HECW1: variants seen among roughly 807,000 people sequenced by gnomAD.
The protein encoded by HECW1 is HECT, C2 and WW domain containing E3 ubiquitin protein ligase 1, also known as E3 ubiquitin-protein ligase HECW1.
Under a neutral mutation model 182.3 loss-of-function variants are expected in HECW1, and 61 were observed. The ratio of observed to expected loss-of-function variants is 0.33; its 90% CI spans 0.27 to 0.41. The LOEUF (loss-of-function observed/expected upper bound fraction) is 0.41, where lower values mean the gene tolerates loss of function less well. Ranked by LOEUF, HECW1 falls within the 10% of genes least tolerant of loss-of-function variation. HECW1 has a pLI of 1.00. For missense variants in HECW1, 1,739 were observed against 2,108.9 expected, an observed-to-expected ratio of 0.82 and a Z score of 3.44; for synonymous variants, 859 against 832.6, an observed-to-expected ratio of 1.03 and a Z score of -0.55.
chr7:43,241,455 C>G (rs1285550881), intron 2 of HECW1: 2 of 152,222 alleles, frequency 1.3e-5, no homozygotes, highest in East Asian at 1.9e-4. Flanking sequence ...TTTCCAGAGT[C>G]AAGCTTTGCA....
At chr7:43,336,642 C>T (rs545012911) in intron 5 of HECW1, among the ~76,000 whole-genome samples, 5 of 152,078 alleles carry the variant, frequency 3.3e-5, no homozygotes, top group African/African-American at 1.2e-4. Context: ...TCTAATCTAC[C>T]CATCACCCAA....
At chr7:43,512,272 T>G (rs2079911602) in intron 24 of HECW1, 1 of 223,470 alleles carries the variant, frequency 4.5e-6, no homozygotes. Context: ...GGGCAGGATT[T>G]GGCCTGCAGG....
chr7:43,497,882 A>G (rs1758337332), intron 19 of HECW1, among the ~76,000 whole-genome samples: 2 of 152,036 alleles, frequency 1.3e-5, no homozygotes, highest in African/African-American at 4.8e-5. Flanking sequence ...AATGTCAAGG[A>G]TTTTATTTTG....
In HECW1 at chr7:43,217,904, G is replaced by T. The variant is rs555387262; in HGVS notation, c.-31-25971G>T. On this transcript the variant is annotated intron_variant, in intron 2 of 29. Transcript: ENST00000395891. ...TCTGGCCCAAGAGCAGTGTTATCTA[G>T]CACAAGCCTGGCCACCAGCACCCGA... is the stretch of plus-strand genomic sequence containing the variant. Among the ~76,000 whole-genome samples, 8 of 152,274 alleles carry T rather than the reference G, an allele frequency of 5.3e-5. No homozygotes were observed. The East Asian group carries it at 1.5e-3, about 29-fold the overall frequency.
At chr7:43,451,077 A>G (rs751538066) in intron 12 of HECW1, 148 bp downstream of exon 12, 1 of 605,190 alleles carries the variant, frequency 1.7e-6, no homozygotes, top group Non-Finnish European at 2.9e-6. Context: ...TGCTCTAAAA[A>G]CTGGTGGTTT....
intron 2 of HECW1, among the ~76,000 whole-genome samples, chr7:43,201,218 C>T (rs777090471): frequency 2.0e-5 from 3 of 152,234 alleles, no homozygotes; most frequent in South Asian, 2.1e-4. Context: ...GCTCTCTGGG[C>T]GTGGTGAATT....
At chr7:43,428,527 A>G (rs2076430981) in intron 8 of HECW1, among the ~76,000 whole-genome samples, 1 of 152,214 alleles carries the variant, frequency 6.6e-6, no homozygotes, top group Admixed American at 6.5e-5. Context: ...GACAAGAGCC[A>G]TACCTAGACC....
At chr7:43,519,571 G>T (rs2080346463) in intron 24 of HECW1, among the ~76,000 whole-genome samples, 1 of 152,136 alleles carries the variant, frequency 6.6e-6, no homozygotes, top group African/African-American at 2.4e-5. Flanking sequence ...AGCTATGCTG[G>T]ACTGCCGCAC....
At chr7:43,464,804 T>TATG (rs2077707675) in intron 14 of HECW1, among the ~76,000 whole-genome samples, 1 of 152,048 alleles carries the variant, frequency 6.6e-6, no homozygotes. Context: ...GTTTTTCTGT[T>TATG]ATTATTATTA....
intron 3 of HECW1, among the ~76,000 whole-genome samples, chr7:43,298,456 A>C (rs1806310065): frequency 1.3e-5 from 2 of 152,164 alleles, no homozygotes; most frequent in Admixed American, 6.5e-5. Context: ...ACTGCCTCCA[A>C]GTAGTATTAA....
chr7:43,194,885 G>A (rs1023791880), intron 2 of HECW1, among the ~76,000 whole-genome samples: 1 of 152,012 alleles, frequency 6.6e-6, no homozygotes, highest in Non-Finnish European at 1.5e-5. Context: ...GTAGAGACAG[G>A]GTTTCACCAC....
intron 9 of HECW1, among the ~76,000 whole-genome samples, chr7:43,441,904 C>T (rs1016167256): frequency 6.6e-6 from 1 of 152,240 alleles, no homozygotes; most frequent in African/African-American, 2.4e-5. Flanking sequence ...GCCTACCCTA[C>T]CCCTGCTTTA....
intron 3 of HECW1, among the ~76,000 whole-genome samples, chr7:43,296,886 T>A (rs1455882421): frequency 6.6e-6 from 1 of 152,158 alleles, no homozygotes; most frequent in Non-Finnish European, 1.5e-5. Context: ...GCACTTAACA[T>A]GCAGTTGTTG....
At chr7:43,178,819 A>G (rs964502460) in intron 2 of HECW1, among the ~76,000 whole-genome samples, 1 of 152,188 alleles carries the variant, frequency 6.6e-6, no homozygotes, top group Non-Finnish European at 1.5e-5. Context: ...GCCCACTTGG[A>G]CCTTCAAGGC....
Position 43,449,315 on chromosome 7 carries a change from G to A in HECW1, c.2399-1513G>A, listed in dbSNP as rs181784420. The stretch of plus-strand genomic sequence containing the variant: ...ACAATGAACTGGGTGCCGGCATGAG[G>A]GGAACCTTCCTTGTTTTCCATTAGC... On this transcript the variant is annotated intron_variant, in intron 11 of 29. Transcript: ENST00000395891. Among the ~76,000 whole-genome samples, 28 of 152,282 alleles carry A rather than the reference G, an allele frequency of 1.8e-4. No individual in the cohort carries two copies. The East Asian group carries it at 5.2e-3, about 28-fold the overall frequency.
At chr7:43,406,692 C>A (rs149572751) in intron 7 of HECW1, among the ~76,000 whole-genome samples, 1 of 151,992 alleles carries the variant, frequency 6.6e-6, no homozygotes, top group African/African-American at 2.4e-5. Flanking sequence ...CCGAGGCGGG[C>A]GGATCACCTG....
intron 4 of HECW1, among the ~76,000 whole-genome samples, chr7:43,317,273 T>C (rs1219483265): frequency 1.3e-5 from 2 of 152,216 alleles, no homozygotes; most frequent in African/African-American, 2.4e-5. Flanking sequence ...CGCTTGCCAC[T>C]GGCTGGTCAC....
intron 24 of HECW1, among the ~76,000 whole-genome samples, chr7:43,540,211 A>T (rs888727365): frequency 2.6e-5 from 4 of 152,244 alleles, no homozygotes; most frequent in Admixed American, 2.0e-4. Flanking sequence ...GCCACATAAA[A>T]GGCATTGGAG....
At chr7:43,284,502 C>CAAAAAAAAAAAAAAAA (rs1165081149) in intron 3 of HECW1, among the ~76,000 whole-genome samples, 1 of 53,790 alleles carries the variant, frequency 1.9e-5, no homozygotes, top group Admixed American at 2.2e-4. Flanking sequence ...CCCATTTCTA[C>CAAAAAAAAAAAAAAAA]AAAAAAAAAA....
Sources: allele counts gnomAD v4.1 joint callset (sites outside exome capture counted in the v4.1 genomes callset), GRCh38; gene constraint gnomAD v4.1.1; transcripts MANE v1.5; gene names NCBI Gene and HGNC (gene_info 2026-07-23, HGNC 2026-07-21).